Variants in DST observed in about 807,000 individuals in gnomAD.
DST encodes the protein bullous pemphigoid antigen.
A neutral mutation model predicts 875.2 loss-of-function variants in DST; 253 were observed. The ratio of observed to expected loss-of-function variants is 0.29; its 90% CI spans 0.26 to 0.32. The LOEUF (loss-of-function observed/expected upper bound fraction) is 0.32, where lower values mean the gene tolerates loss of function less well. DST is among the 10% of genes least tolerant of loss of function. The pLI, the probability that DST is intolerant of heterozygous loss-of-function variation, is 1.00. For synonymous variants in DST, 3,124 were observed against 3,197.1 expected (o/e 0.98, Z 0.77); for missense variants, 8,287 against 9,111.6 (o/e 0.91, Z 3.68).
At chr6:56,690,507 G>A (rs2099221191) in intron 9 of DST, among the ~76,000 whole-genome samples, 2 of 152,146 alleles carry the variant, frequency 1.3e-5, no homozygotes, top group African/African-American at 4.8e-5. Context: ...TGAGAATGAT[G>A]AATGTCACAG....
intron 4 of DST, among the ~76,000 whole-genome samples, chr6:56,824,607 TCTGCCCCG>T (rs1269897567): frequency 2.0e-5 from 3 of 150,654 alleles, no homozygotes; most frequent in Non-Finnish European, 4.4e-5. Context: ...GGGAAGCGCC[TCTGCCCCG>T]CTGCCCCGTC....
chr6:56,770,671 T>C (rs2099654212), intron 4 of DST, among the ~76,000 whole-genome samples: 1 of 152,108 alleles, frequency 6.6e-6, no homozygotes, highest in South Asian at 2.1e-4. Context: ...ACCTGTAAAA[T>C]GGGACTCTTA....
chr6:56,694,732 T>G (rs2099253389), intron 9 of DST, among the ~76,000 whole-genome samples: 1 of 152,218 alleles, frequency 6.6e-6, no homozygotes, highest in South Asian at 2.1e-4. Context: ...CTCCCAATGT[T>G]GGAGATGGGC....
intron 5 of DST, among the ~76,000 whole-genome samples, chr6:56,719,205 A>G (rs530903777): frequency 6.6e-6 from 1 of 152,332 alleles, no homozygotes; most frequent in East Asian, 1.9e-4. Flanking sequence ...AGAATGTTAG[A>G]CTATTCTAAT....
At chr6:56,711,306 C>T (rs996293172) in intron 5 of DST, among the ~76,000 whole-genome samples, 1 of 152,088 alleles carries the variant, frequency 6.6e-6, no homozygotes, top group Non-Finnish European at 1.5e-5. Context: ...TATACAGTTT[C>T]GCCATGGTTG....
At chr6:56,532,559 A>C (rs2096914903) in intron 63 of DST, 49 bp from the exon 64 acceptor site, 8 of 1,475,004 alleles carry the variant, frequency 5.4e-6, no homozygotes, top group Non-Finnish European at 6.4e-6. Flanking sequence ...AATTGTATGA[A>C]TATAAAGTAC....
intron 4 of DST, among the ~76,000 whole-genome samples, chr6:56,834,511 C>T (rs1203790630): frequency 1.3e-5 from 2 of 152,050 alleles, no homozygotes; most frequent in African/African-American, 4.8e-5. Flanking sequence ...GCAGGGGAAT[C>T]ACTTAAACCC....
At chr6:56,724,888 T>TA (rs1228743698) in intron 5 of DST, among the ~76,000 whole-genome samples, 7 of 152,180 alleles carry the variant, frequency 4.6e-5, no homozygotes, top group Non-Finnish European at 1.0e-4. Flanking sequence ...AAGCCACTGT[T>TA]AGAGAAGACA....
intron 4 of DST, among the ~76,000 whole-genome samples, chr6:56,787,019 C>T (rs1157497661): frequency 6.6e-6 from 1 of 152,218 alleles, no homozygotes; most frequent in African/African-American, 2.4e-5. Flanking sequence ...CACCATGTGC[C>T]AGGCACCGTT....
intron 4 of DST, among the ~76,000 whole-genome samples, chr6:56,828,740 G>C (rs2099783691): frequency 6.6e-6 from 1 of 152,112 alleles, no homozygotes. Flanking sequence ...CATACTCAAT[G>C]TTTACATCTT....
At chr6:56,713,194 G>A (rs1205206858) in intron 5 of DST, among the ~76,000 whole-genome samples, 1 of 152,196 alleles carries the variant, frequency 6.6e-6, no homozygotes, top group African/African-American at 2.4e-5. Context: ...GTAAAAGGCA[G>A]TCTGAAGACC....
At chr6:56,675,327 T>C (rs2099123143) in intron 9 of DST, among the ~76,000 whole-genome samples, 1 of 152,166 alleles carries the variant, frequency 6.6e-6, no homozygotes, top group Non-Finnish European at 1.5e-5. Context: ...AAGGAAAAGT[T>C]TCTTGACTTT....
At chr6:56,601,193 G>A (rs1180867934) in intron 44 of DST, among the ~76,000 whole-genome samples, 1 of 151,896 alleles carries the variant, frequency 6.6e-6, no homozygotes, top group Non-Finnish European at 1.5e-5. Flanking sequence ...CTAGTCTTGG[G>A]GTGGGAGGCA....
At position 56,473,926 on chromosome 6, in the gene DST, T is replaced by A; in HGVS notation, c.21941A>T (p.Asp7314Val). 2 of 1,593,550 alleles carry A rather than the reference T, an allele frequency of 1.3e-6. No homozygotes were observed. The highest frequency in any genetic ancestry group is 1.7e-6 in the Non-Finnish European group (2 of 1,168,176). Reference sequence around the variant, plus strand: ...AATATGGGATTGTAATGAGGAAGGATCAGCAGCTCTCCTCTTATAGGTCTT... The same window carrying A: ...AATATGGGATTGTAATGAGGAAGGAACAGCAGCTCTCCTCTTATAGGTCTT... ...VTKTYKRRAA[D>V]PSSLQSHIPV... Residue 7314 changes from aspartate (D) to valine (V), a missense_variant, in exon 93 of 104, where the codon GAT becomes GTT. By Grantham distance (152) the Asp-to-Val change is radical (BLOSUM62 -3). Coordinates refer to ENST00000680361, the MANE Select transcript of DST (RefSeq NM_001374736.1).
At chr6:56,809,715 T>C (rs1015425139) in intron 4 of DST, among the ~76,000 whole-genome samples, 1 of 152,194 alleles carries the variant, frequency 6.6e-6, no homozygotes, top group Non-Finnish European at 1.5e-5. Context: ...TGTGGCAAGA[T>C]ACTCAATAAA....
At chr6:56,537,992 TA>T (rs61192304) in intron 61 of DST, among the ~76,000 whole-genome samples, 2,682 of 152,258 alleles carry the variant, frequency 0.018, 74 homozygotes, top group African/African-American at 0.062. Flanking sequence ...ATATTATGAT[TA>T]TTTTTTTGAG....
rs1238268478 is a variant in DST, at chr6:56,592,279, G to A, written c.12806C>T (p.Ala4269Val). 3 of 1,612,236 alleles carry A rather than the reference G, an allele frequency of 1.9e-6. No individual in the cohort carries two copies. The South Asian group carries it at 3.3e-5, about 18-fold the overall frequency. The change falls in exon 49 of 104, where the codon GCT becomes GTT. Residue 4269 changes from alanine (A) to valine (V), a missense_variant. By Grantham distance (64) the Ala-to-Val change is moderately conservative (BLOSUM62 0). Around this residue, in one of 10 missense-constraint regions of DST, gnomAD observed 1,513 missense variants for 1,677.8 expected, o/e 0.90. Coordinates refer to ENST00000680361, the MANE Select transcript of DST (RefSeq NM_001374736.1). ...HYEDASCGLL[A>V]GLQACEATAS... ...TGTGGCCTCACAGGCCTGGAGTCCA[G>A]CAAGAAGTCCACATGAAGCATCTTC...
rs1360304535 is a variant in DST, at chr6:56,670,796, G to A, written c.1059C>T (p.Ile353=). ...TIILHFQISD[I]HVTGESEDMS... is the part of the protein sequence containing the mutation. ...TATCCTCTGACTCTCCAGTAACATG[G>A]ATATCAGATATCTAGATATAACAGA... Residue 353 remains isoleucine, a synonymous_variant, in exon 10 of 104, where the codon ATC becomes ATT. Transcript: ENST00000680361. 2.1e-5 allele frequency: 33 copies of A among 1,589,704 alleles called. No individual in the cohort carries two copies. Among genetic ancestry groups the A allele is most frequent in the Non-Finnish European group, 2.8e-5 (33 of 1,168,996 alleles).
At chr6:56,661,385 T>A (rs1017934721) in intron 10 of DST, among the ~76,000 whole-genome samples, 1 of 152,172 alleles carries the variant, frequency 6.6e-6, no homozygotes, top group East Asian at 1.9e-4. Context: ...AAGGGAAACA[T>A]GACAAAGGCA....
Sources: allele counts gnomAD v4.1 joint callset (sites outside exome capture counted in the v4.1 genomes callset), GRCh38; gene constraint gnomAD v4.1.1; regional missense constraint gnomAD v4.1.1; transcripts MANE v1.5; gene names NCBI Gene and HGNC (gene_info 2026-07-23, HGNC 2026-07-21).